ADGRL2: variants seen among roughly 807,000 people sequenced by gnomAD.
ADGRL2 encodes adhesion G protein-coupled receptor L2, also known as calcium-independent alpha-latrotoxin receptor 2.
A neutral mutation model predicts 157.4 loss-of-function variants in ADGRL2; 44 were observed. That is an observed-to-expected ratio of 0.28 (90% CI 0.22 to 0.36). ADGRL2 has a LOEUF of 0.36. ADGRL2 is among the 10% of genes least tolerant of loss of function. ADGRL2 has a pLI of 1.00. For synonymous variants in ADGRL2, 585 were observed against 624.7 expected, an observed-to-expected ratio of 0.94 and a Z score of 0.95; for missense variants, 1,510 against 1,768.9, an observed-to-expected ratio of 0.85 and a Z score of 2.63.
intron 2 of ADGRL2, among the ~76,000 whole-genome samples, chr1:81,572,653 A>C (rs2080719215): frequency 6.6e-6 from 1 of 152,172 alleles, no homozygotes. Context: ...CATTACTGGA[A>C]TATACTGCTT....
At chr1:81,577,619 T>C (rs2148522857) in intron 2 of ADGRL2, among the ~76,000 whole-genome samples, 1 of 152,238 alleles carries the variant, frequency 6.6e-6, no homozygotes, top group East Asian at 1.9e-4. Context: ...CACTTTCCTT[T>C]CCCAAACCAA....
At chr1:81,914,082 C>T (rs1463639512) in intron 3 of ADGRL2, among the ~76,000 whole-genome samples, 2 of 151,750 alleles carry the variant, frequency 1.3e-5, no homozygotes, top group African/African-American at 4.9e-5. Context: ...AAATTCATTA[C>T]AATGCACTCA....
chr1:81,605,842 T>C (rs944895665), intron 3 of ADGRL2, among the ~76,000 whole-genome samples: 2 of 152,230 alleles, frequency 1.3e-5, no homozygotes, highest in African/African-American at 4.8e-5. Flanking sequence ...TGTTTTCCAT[T>C]TGAGACCTTA....
intron 1 of ADGRL2, among the ~76,000 whole-genome samples, chr1:81,438,924 A>G (rs553245756): frequency 6.6e-6 from 1 of 152,122 alleles, no homozygotes; most frequent in South Asian, 2.1e-4. Flanking sequence ...AGGGCCCTCA[A>G]ATCTGGAGTG....
At chr1:81,988,643 TTAAGAC>T (rs1663871996) in intron 23 of ADGRL2, among the ~76,000 whole-genome samples, 1 of 152,162 alleles carries the variant, frequency 6.6e-6, no homozygotes, top group Non-Finnish European at 1.5e-5. Flanking sequence ...GGGACAGTCT[TTAAGAC>T]AATACAAATC....
At chr1:81,678,380 C>T (rs766661189) in intron 3 of ADGRL2, among the ~76,000 whole-genome samples, 12 of 152,232 alleles carry the variant, frequency 7.9e-5, no homozygotes, top group East Asian at 3.9e-4. Context: ...CCTCTGTCTA[C>T]GCAGGCAAGC....
At chr1:81,526,122 G>A (rs897252875) in intron 2 of ADGRL2, among the ~76,000 whole-genome samples, 5 of 152,236 alleles carry the variant, frequency 3.3e-5, no homozygotes, top group South Asian at 2.1e-4. Flanking sequence ...AAAAGCTAAA[G>A]AAGTAAAATT....
At chr1:81,864,372 T>C (rs1410821496) in intron 2 of ADGRL2, among the ~76,000 whole-genome samples, 1 of 129,772 alleles carries the variant, frequency 7.7e-6, no homozygotes, top group Admixed American at 7.3e-5. Flanking sequence ...TAGAAAAAAA[T>C]TGATTGTAAT....
intron 11 of ADGRL2, among the ~76,000 whole-genome samples, chr1:81,958,337 G>C (rs903972869): frequency 7.9e-5 from 12 of 151,750 alleles, no homozygotes; most frequent in African/African-American, 2.9e-4. Flanking sequence ...TTTGGGGGTG[G>C]GGGGAAGGGC....
chr1:81,691,563 A>T (rs191383246), intron 3 of ADGRL2, among the ~76,000 whole-genome samples: 1 of 151,786 alleles, frequency 6.6e-6, no homozygotes, highest in Non-Finnish European at 1.5e-5. Flanking sequence ...CAATGGCACG[A>T]TCTCGGCTCA....
At chr1:81,536,379 T>C (rs2079738017) in intron 2 of ADGRL2, among the ~76,000 whole-genome samples, 1 of 152,236 alleles carries the variant, frequency 6.6e-6, no homozygotes, top group Admixed American at 6.5e-5. Flanking sequence ...TGAACAATCG[T>C]TGCACATTGA....
intron 3 of ADGRL2, among the ~76,000 whole-genome samples, chr1:81,909,052 T>G (rs1444713460): frequency 6.6e-6 from 1 of 151,960 alleles, no homozygotes; most frequent in African/African-American, 2.4e-5. Context: ...TTTTTTGTAT[T>G]TTTAGTAGAG....
intron 1 of ADGRL2, among the ~76,000 whole-genome samples, chr1:81,725,225 C>T (rs1012154852): frequency 2.3e-5 from 3 of 131,898 alleles, no homozygotes; most frequent in African/African-American, 8.4e-5. Context: ...AAAAAAAGAA[C>T]AAAAAACACT....
chr1:81,669,320 G>A (rs970215220), intron 3 of ADGRL2, among the ~76,000 whole-genome samples: 7 of 152,038 alleles, frequency 4.6e-5, no homozygotes, highest in Admixed American at 2.6e-4. Flanking sequence ...AGACTGAGGC[G>A]GGAAGATCAT....
chr1:81,615,769 A>C (rs1342318015), intron 3 of ADGRL2, among the ~76,000 whole-genome samples: 1 of 152,246 alleles, frequency 6.6e-6, no homozygotes, highest in Non-Finnish European at 1.5e-5. Context: ...AAAATCAATA[A>C]TGAAAAATGA....
intron 1 of ADGRL2, among the ~76,000 whole-genome samples, chr1:81,349,855 G>T (rs1318157171): frequency 4.0e-5 from 6 of 151,708 alleles, no homozygotes; most frequent in Admixed American, 2.6e-4. Context: ...AGGAAGGCGG[G>T]AGGGAAAAAA....
At chr1:81,521,095 A>T (rs1014941873) in intron 2 of ADGRL2, among the ~76,000 whole-genome samples, 1 of 152,222 alleles carries the variant, frequency 6.6e-6, no homozygotes, top group African/African-American at 2.4e-5. Context: ...CGTCATCTTT[A>T]TTCTGGAAGG....
At chr1:81,924,037 T>TA (rs1223156128) in intron 3 of ADGRL2, among the ~76,000 whole-genome samples, 2 of 152,200 alleles carry the variant, frequency 1.3e-5, no homozygotes, top group Admixed American at 1.3e-4. Flanking sequence ...GCTGCTGCTC[T>TA]AGGAAAAGAC....
chr1:81,903,454 A>C (rs1234843427), intron 2 of ADGRL2, among the ~76,000 whole-genome samples: 1 of 152,012 alleles, frequency 6.6e-6, no homozygotes, highest in Non-Finnish European at 1.5e-5. Flanking sequence ...TCTGGAGTCT[A>C]AGCTCCCTGC....
Sources: gnomAD v4.1 joint callset for allele counts (sites outside exome capture counted in the v4.1 genomes callset) on GRCh38, gnomAD v4.1.1 for gene constraint, MANE v1.5 for transcripts, NCBI Gene and HGNC (gene_info 2026-07-23, HGNC 2026-07-21) for gene names.